The following SMPD4 variants were observed in gnomAD, a reference collection of about 807,000 sequenced individuals.
The protein encoded by SMPD4 is sphingomyelin phosphodiesterase 4.
Under a neutral mutation model 97.8 loss-of-function variants are expected in SMPD4, and 58 were observed. That is an observed-to-expected ratio of 0.59 (90% confidence interval 0.48 to 0.74). The LOEUF is 0.74. SMPD4 is among the 30% of genes least tolerant of loss of function. The pLI is 0.00. For missense variants in SMPD4, 853 were observed against 1,080.5 expected (o/e 0.79, Z 2.95); for synonymous variants, 388 against 450.0 (o/e 0.86, Z 1.74).
chr2:130,165,426 CA>C (rs113282615), intron 9 of SMPD4, among the ~76,000 whole-genome samples: 1 of 138,612 alleles, frequency 7.2e-6, no homozygotes, highest in East Asian at 2.1e-4. Context: ...AACTCGGTCT[CA>C]AAAAAAAAAC....
intron 9 of SMPD4, among the ~76,000 whole-genome samples, chr2:130,166,086 C>T (rs920637106): frequency 2.0e-5 from 3 of 151,910 alleles, no homozygotes; most frequent in Admixed American, 2.0e-4. Context: ...CTTTGGGAGG[C>T]CAAAGCAAAT....
chr2:130,164,898 G>A (rs1440348334), intron 9 of SMPD4, among the ~76,000 whole-genome samples: 1 of 152,004 alleles, frequency 6.6e-6, no homozygotes, highest in Non-Finnish European at 1.5e-5. Context: ...CCTGAGGCCA[G>A]GAGTTCCAGA....
intron 7 of SMPD4, 40 bp from the exon 8 acceptor site, chr2:130,172,540 C>G (rs1418940167): frequency 6.2e-7 from 1 of 1,612,952 alleles, no homozygotes; most frequent in Non-Finnish European, 8.5e-7. Flanking sequence ...GCTCTGGACA[C>G]TGCCAGGCCA....
At chr2:130,171,940 A>G (rs988614687) in intron 8 of SMPD4, among the ~76,000 whole-genome samples, 20 of 152,218 alleles carry the variant, frequency 1.3e-4, no homozygotes, top group Admixed American at 1.1e-3. Context: ...TGGACTGACA[A>G]AACAGGCTCT....
chr2:130,164,076 C>T (rs749356902), intron 10 of SMPD4, among the ~76,000 whole-genome samples: 10 of 152,350 alleles, frequency 6.6e-5, no homozygotes, highest in Non-Finnish European at 1.5e-4. Context: ...GCAAGAGCAC[C>T]ACAACCTCAT....
rs565029679 is a variant in SMPD4 at position 130,152,581 on chromosome 2, C to T, written c.2458G>A (p.Glu820Lys). The change falls in exon 20 of 20, where the codon GAG (glutamate) becomes AAG (lysine). Residue 820 changes from glutamate to lysine, a missense_variant. Physicochemically the swap from Glu to Lys is moderately conservative, Grantham distance 56. Transcript: ENST00000680298. ...CAGGGCTGGTGCAGCTTCCCCCGCTCGGTCAGCAGTGTCATGGCAGAGGCG... is the reference window on the plus strand; with the variant it reads ...CAGGGCTGGTGCAGCTTCCCCCGCTTGGTCAGCAGTGTCATGGCAGAGGCG... ...LYASAMTLLT[E>K]RGKLHQP 57 of 1,548,446 alleles carry T rather than the reference C, an allele frequency of 3.7e-5. No individual in the cohort carries two copies. In the South Asian group the frequency reaches 4.8e-4, roughly 13 times the overall value.
chr2:130,154,919 C>G (rs1686622289), intron 15 of SMPD4, 177 bp downstream of exon 15: 1 of 840,036 alleles, frequency 1.2e-6, no homozygotes, highest in Admixed American at 2.9e-5. Context: ...CAGGCAGGAT[C>G]CAGCCGGTTT....
intron 15 of SMPD4, 179 bp from the exon 16 acceptor site, chr2:130,154,661 T>C (rs1405993925): frequency 1.3e-6 from 1 of 742,238 alleles, no homozygotes; most frequent in South Asian, 1.6e-5. Flanking sequence ...GGAGGGCGGA[T>C]GGGGGAGCTG....
intron 18 of SMPD4, 54 bp downstream of exon 18, chr2:130,153,265 G>A: frequency 6.2e-7 from 1 of 1,612,684 alleles, no homozygotes; most frequent in Non-Finnish European, 8.5e-7. Flanking sequence ...GGAGGAGGGA[G>A]CTGGGGACGG....
chr2:130,175,139 C>T lies in SMPD4; in HGVS notation c.40-139G>A, dbSNP rs1573728844. ...TAACCTCTGGCCTGGTTCCCCAGCC[C>T]CTCATGTGTGTCAGTGGCCCAAAGA... On this transcript the variant is annotated intron_variant, in intron 2 of 19. Transcript: ENST00000680298. 5 of 609,988 alleles carry T rather than the reference C, an allele frequency of 8.2e-6. No individual in the cohort carries two copies. The East Asian group carries it at 1.4e-4, about 17-fold the overall frequency. 37.8% of individuals were successfully genotyped at this position (609,988 alleles called of 1,614,324 possible). A position where few individuals can be genotyped will look rare whatever the true frequency, so the allele number is the denominator to read the frequency against.
chr2:130,164,009 C>G (rs574821362), intron 10 of SMPD4, among the ~76,000 whole-genome samples: 1 of 152,082 alleles, frequency 6.6e-6, no homozygotes, highest in African/African-American at 2.4e-5. Flanking sequence ...TGCTGATGGT[C>G]GAGGAGACAG....
Position 130,155,162 on chromosome 2 carries a change from C to T in SMPD4, c.1387G>A (p.Ala463Thr), listed in dbSNP as rs752035025. 9 of 1,614,096 alleles carry T rather than the reference C, an allele frequency of 5.6e-6. No homozygotes were observed. Among genetic ancestry groups the T allele is most frequent in the South Asian group, 1.1e-5 (1 of 91,090 alleles). ...TTGGCCACTCGGAACACCATGAGCG[C>T]GTGCTTGGGGCTGACCAGGTCTGTG... Reference protein sequence around the residue: ...LRTDLVSPKHALMVFRVAKVF... With the variant: ...LRTDLVSPKHTLMVFRVAKVF... The change falls in exon 15 of 20, where the codon GCG (alanine) becomes ACG (threonine). Residue 463 changes from alanine (A) to threonine (T), a missense_variant. Ala to Thr is a moderately conservative substitution (Grantham distance 58). Transcript: ENST00000680298.
At chr2:130,165,564 T>A (rs1026933792) in intron 9 of SMPD4, among the ~76,000 whole-genome samples, 1 of 152,170 alleles carries the variant, frequency 6.6e-6, no homozygotes, top group Non-Finnish European at 1.5e-5. Context: ...TGCTGTAACA[T>A]GGATTAATCT....
At chr2:130,157,507 G>A (rs939062180) in intron 11 of SMPD4, 111 bp from the exon 12 acceptor site, 219 of 1,531,634 alleles carry the variant, frequency 1.4e-4, no homozygotes, top group Non-Finnish European at 1.7e-4. Flanking sequence ...CTGCCCCCAC[G>A]GGAGGCATGA....
chr2:130,161,109 C>T (rs1170937217), intron 11 of SMPD4, 77 bp downstream of exon 11: 43 of 1,413,656 alleles, frequency 3.0e-5, no homozygotes, highest in Admixed American at 5.6e-5. Context: ...CACCAGCGGC[C>T]GGCCCCGGCG....
chr2:130,157,126 TG>T (rs1686886599), intron 12 of SMPD4, 124 bp downstream of exon 12: 1 of 932,868 alleles, frequency 1.1e-6, no homozygotes, highest in Non-Finnish European at 1.6e-6. Flanking sequence ...TCACGTGCTC[TG>T]TGAACAGAAA....
intron 8 of SMPD4, 107 bp downstream of exon 8, chr2:130,172,242 A>T (rs1688540700): frequency 5.4e-6 from 7 of 1,288,500 alleles, no homozygotes; most frequent in Non-Finnish European, 7.4e-6. Flanking sequence ...CATAAGAAAA[A>T]TTGGGGAACC....
rs561876064 is a variant in SMPD4, at chr2:130,180,829, G to A, written c.-46+701C>T. 5.3e-5 allele frequency among the ~76,000 whole-genome samples: 8 copies of A among 152,238 alleles called. 1 individual carries two copies. The South Asian group carries it at 8.3e-4, about 16-fold the overall frequency. ...TCCAAGAAAGGAAATTCAAACCCGA[G>A]AATTCCCAAGAGGTGTCTCCCACAC... is the stretch of plus-strand genomic sequence containing the variant. On this transcript the variant is annotated intron_variant, in intron 1 of 19. Transcript: ENST00000680298.
chr2:130,156,832 A>G (rs1206911409), intron 12 of SMPD4, 157 bp from the exon 13 acceptor site: 1 of 1,540,982 alleles, frequency 6.5e-7, no homozygotes, highest in Admixed American at 2.0e-5. Flanking sequence ...GAAGAAATCA[A>G]GGTTCAGAGA....
Sources: allele counts gnomAD v4.1 joint callset (sites outside exome capture counted in the v4.1 genomes callset), GRCh38; gene constraint gnomAD v4.1.1; transcripts MANE v1.5; gene names NCBI Gene and HGNC (gene_info 2026-07-23, HGNC 2026-07-21).